The following BTG4 variants were observed in gnomAD, a reference collection of about 807,000 sequenced individuals.
The protein encoded by BTG4 is BTG anti-proliferation factor 4.
A neutral mutation model predicts 19.3 loss-of-function variants in BTG4; 10 were observed. That is an observed-to-expected ratio of 0.52 (90% CI 0.32 to 0.88). The LOEUF (loss-of-function observed/expected upper bound fraction) is 0.88, where lower values mean the gene tolerates loss of function less well. Among genes scored for constraint, BTG4 ranks in the 40% least tolerant of loss-of-function variants. The pLI is 0.04. For synonymous variants in BTG4, 91 were observed against 95.7 expected (o/e 0.95, Z 0.29); for missense variants, 238 against 281.9 (o/e 0.84, Z 1.11).
At chr11:111,514,254 T>C (rs1266920596), upstream of BTG4, 3 of 159,446 alleles carry the variant, frequency 1.9e-5, no homozygotes, top group African/African-American at 7.2e-5. Context: ...ATTTAAAGGA[T>C]TCAGAATTTT....
chr11:111,427,527 C>T, the BTG4 span, among the ~76,000 whole-genome samples: 2 of 152,242 alleles, frequency 1.3e-5, no homozygotes, highest in Admixed American at 6.5e-5. Context: ...ATTCTTCTGC[C>T]GCTAATCCAC....
At chr11:111,504,580 A>G (rs1866319503) in intron 1 of BTG4, among the ~76,000 whole-genome samples, 1 of 152,070 alleles carries the variant, frequency 6.6e-6, no homozygotes, top group Admixed American at 6.6e-5. Flanking sequence ...AGAAACCAAG[A>G]TAACTCCTAT....
chr11:111,503,167 G>A (rs914141413), intron 1 of BTG4, among the ~76,000 whole-genome samples: 1 of 152,056 alleles, frequency 6.6e-6, no homozygotes, highest in Non-Finnish European at 1.5e-5. Flanking sequence ...GTAAAGTTTG[G>A]GAAATGAAAT....
intron 5 of BTG4, among the ~76,000 whole-genome samples, chr11:111,474,668 G>T (rs540671256): frequency 6.6e-6 from 1 of 152,160 alleles, no homozygotes; most frequent in South Asian, 2.1e-4. Flanking sequence ...ATTTAGCCAG[G>T]TACATACTTA....
At chr11:111,454,736 G>A in the BTG4 span, among the ~76,000 whole-genome samples, 2 of 151,192 alleles carry the variant, frequency 1.3e-5, no homozygotes, top group South Asian at 2.1e-4. Context: ...CCAAAACTGG[G>A]CCAGGGCTTC....
downstream of BTG4, among the ~76,000 whole-genome samples, chr11:111,494,161 A>C (rs1386113447): frequency 6.6e-6 from 1 of 152,252 alleles, no homozygotes; most frequent in African/African-American, 2.4e-5. Context: ...AGGGAGGGAT[A>C]AAGTTTTGAA....
At chr11:111,469,635 T>G (rs1863941788) in intron 5 of BTG4, among the ~76,000 whole-genome samples, 1 of 152,236 alleles carries the variant, frequency 6.6e-6, no homozygotes. Flanking sequence ...GCACCAGAAC[T>G]GCTAAAGACA....
the BTG4 span, among the ~76,000 whole-genome samples, chr11:111,403,630 C>A: frequency 6.6e-6 from 1 of 152,178 alleles, no homozygotes; most frequent in African/African-American, 2.4e-5. Flanking sequence ...TTGCCCCCTG[C>A]AAACTTGAAT....
At chr11:111,490,881 A>G (rs997318325), downstream of BTG4, among the ~76,000 whole-genome samples, 1 of 152,242 alleles carries the variant, frequency 6.6e-6, no homozygotes, top group Admixed American at 6.5e-5. Flanking sequence ...AATTGCACTC[A>G]TATGTTTTTA....
At chr11:111,471,229 T>C (rs1864043642) in intron 5 of BTG4, among the ~76,000 whole-genome samples, 1 of 152,244 alleles carries the variant, frequency 6.6e-6, no homozygotes, top group Non-Finnish European at 1.5e-5. Context: ...TAAAGCTATT[T>C]GTAGTGGTGG....
chr11:111,392,562 C>T, the BTG4 span, among the ~76,000 whole-genome samples: 2 of 152,170 alleles, frequency 1.3e-5, no homozygotes, highest in Non-Finnish European at 2.9e-5. Flanking sequence ...GGCCAGAGGA[C>T]TTGCATTTCT....
chr11:111,413,074 G>A, the BTG4 span, among the ~76,000 whole-genome samples: 6 of 152,200 alleles, frequency 3.9e-5, no homozygotes, highest in Non-Finnish European at 8.8e-5. Flanking sequence ...GGGGTAAGTA[G>A]ATTGAGGTGC....
chr11:111,491,887 C>A (rs1865440532), downstream of BTG4, among the ~76,000 whole-genome samples: 1 of 151,966 alleles, frequency 6.6e-6, no homozygotes, highest in Admixed American at 6.6e-5. Context: ...TATTTAGGGG[C>A]TTTTCAAGTA....
the BTG4 span, chr11:111,458,353 C>G: frequency 6.6e-6 from 1 of 152,324 alleles, no homozygotes; most frequent in Admixed American, 6.5e-5. Context: ...CATGCACATG[C>G]GTGACCAAGG....
chr11:111,406,170 T>C, the BTG4 span, among the ~76,000 whole-genome samples: 1 of 152,244 alleles, frequency 6.6e-6, no homozygotes, highest in African/African-American at 2.4e-5. Flanking sequence ...ACTAATGTTC[T>C]TTTGTTTTTA....
At chr11:111,386,490 G>A in the BTG4 span, among the ~76,000 whole-genome samples, 2 of 152,140 alleles carry the variant, frequency 1.3e-5, no homozygotes, top group Non-Finnish European at 2.9e-5. Context: ...AGAAATTCAG[G>A]GCAGTTTGTA....
Position 111,498,017 on chromosome 11 carries a change from G to A in BTG4, c.292C>T (p.Pro98Ser). ...LPKEMTIWVD[P>S]FEVCCRYGEK... ...ACTCACCTACAGCATACTTCAAAGGGATCTACCCATATGGTCATCTCCTTC... is the reference window on the plus strand; with the variant it reads ...ACTCACCTACAGCATACTTCAAAGGAATCTACCCATATGGTCATCTCCTTC... The change falls in exon 3 of 5, where the codon CCC becomes TCC. Residue 98 changes from proline to serine, a missense_variant. Transcript: ENST00000692032. 6.2e-7 allele frequency: 1 copy of A among 1,614,002 alleles called. No homozygotes were observed. Among genetic ancestry groups the A allele is most frequent in the Non-Finnish European group, 8.5e-7 (1 of 1,179,946 alleles).
upstream of BTG4, among the ~76,000 whole-genome samples, chr11:111,513,230 C>T (rs1867079392): frequency 6.6e-6 from 1 of 152,222 alleles, no homozygotes; most frequent in Non-Finnish European, 1.5e-5. Context: ...GAAACAGTCT[C>T]ATGCCAGGAA....
chr11:111,501,671 T>C (rs1866091385), intron 1 of BTG4, among the ~76,000 whole-genome samples: 1 of 152,230 alleles, frequency 6.6e-6, no homozygotes, highest in Admixed American at 6.5e-5. Flanking sequence ...AGATTTGTAA[T>C]GTTCTCAACA....
Sources: allele counts gnomAD v4.1 joint callset (sites outside exome capture counted in the v4.1 genomes callset), GRCh38; gene constraint gnomAD v4.1.1; transcripts MANE v1.5; gene names NCBI Gene and HGNC (gene_info 2026-07-23, HGNC 2026-07-21).